TOM1L2: variants seen among roughly 807,000 people sequenced by gnomAD.
TOM1L2 encodes TOM1-like protein 2.
Under a neutral mutation model 67.9 loss-of-function variants are expected in TOM1L2, and 31 were observed. The observed-to-expected ratio is 0.46, with a 90% CI of 0.34 to 0.62. TOM1L2 has a LOEUF of 0.62. TOM1L2 is among the 20% of genes least tolerant of loss of function. The probability of loss-of-function intolerance (pLI) is 0.01; values close to 1 mark genes in which losing one functional copy is unlikely to be tolerated. For synonymous variants in TOM1L2, 256 were observed against 254.0 expected, an observed-to-expected ratio of 1.01 and a Z score of -0.07; for missense variants, 606 against 663.5, an observed-to-expected ratio of 0.91 and a Z score of 0.95.
At chr17:17,869,241 TC>T in intron 8 of TOM1L2, 98 bp downstream of exon 8, 1 of 1,562,482 alleles carries the variant, frequency 6.4e-7, no homozygotes, top group Non-Finnish European at 8.6e-7. Context: ...CTAATCTCTC[TC>T]CCTCTCCCTC....
At chr17:17,882,221 A>G (rs998034639) in intron 6 of TOM1L2, among the ~76,000 whole-genome samples, 2 of 152,154 alleles carry the variant, frequency 1.3e-5, no homozygotes, top group Non-Finnish European at 2.9e-5. Flanking sequence ...AAGCCTCTGC[A>G]TGATAGACAA....
chr17:17,857,728 T>G, intron 12 of TOM1L2: 4 of 1,505,440 alleles, frequency 2.7e-6, no homozygotes, highest in Non-Finnish European at 3.6e-6. Flanking sequence ...AGGTAGGGGC[T>G]GGGGTGGACA....
chr17:17,887,277 C>A (rs539210263), intron 4 of TOM1L2, among the ~76,000 whole-genome samples: 79 of 152,346 alleles, frequency 5.2e-4, no homozygotes, highest in African/African-American at 1.9e-3. Context: ...GAGATGGCTG[C>A]TAACAGAGCA....
chr17:17,863,913 C>G (rs1406408819), intron 10 of TOM1L2, among the ~76,000 whole-genome samples: 1 of 152,108 alleles, frequency 6.6e-6, no homozygotes, highest in Non-Finnish European at 1.5e-5. Flanking sequence ...GATGCCCAAG[C>G]TGGAGTGCAG....
rs75053299 is a variant in TOM1L2, at chr17:17,947,211, G to C, written c.52+25051C>G. ...GTGAGCTTTTCAGTTTTATACGGTGGGGGGGTCTCACTATATTGCCCATGC... is the reference window on the plus strand; with the variant it reads ...GTGAGCTTTTCAGTTTTATACGGTGCGGGGGTCTCACTATATTGCCCATGC... On this transcript the variant is annotated intron_variant, in intron 1 of 14. Coordinates refer to ENST00000379504, the MANE Select transcript of TOM1L2 (RefSeq NM_001082968.2). Among the ~76,000 whole-genome samples, 974 of 151,206 alleles carry C rather than the reference G, an allele frequency of 6.4e-3. 12 individuals are homozygous for C. Among genetic ancestry groups the C allele is most frequent in the East Asian group, 0.058 (297 of 5,102 alleles).
intron 6 of TOM1L2, among the ~76,000 whole-genome samples, chr17:17,880,777 G>A (rs927325771): frequency 3.3e-5 from 5 of 152,152 alleles, no homozygotes; most frequent in Admixed American, 1.3e-4. Flanking sequence ...CCCATGCGGC[G>A]CCTGGCATGC....
intron 2 of TOM1L2, among the ~76,000 whole-genome samples, chr17:17,904,140 G>C (rs1420547842): frequency 1.3e-5 from 2 of 152,172 alleles, no homozygotes; most frequent in African/African-American, 4.8e-5. Context: ...GCTAGGAAGA[G>C]ATTTTGAGAC....
At chr17:17,891,784 C>CGTGTGTGTGTGTGTGTGT (rs374192888) in intron 4 of TOM1L2, among the ~76,000 whole-genome samples, 106 of 143,218 alleles carry the variant, frequency 7.4e-4, no homozygotes, top group East Asian at 2.4e-3. Context: ...TGCATGCACA[C>CGTGTGTGTGTGTGTGTGT]GTGTGTGTGT....
intron 1 of TOM1L2, among the ~76,000 whole-genome samples, chr17:17,923,719 A>G (rs1338780575): frequency 3.9e-5 from 6 of 152,036 alleles, no homozygotes; most frequent in Non-Finnish European, 8.8e-5. Context: ...TGTAGATTTT[A>G]TGTTATACAC....
intron 1 of TOM1L2, among the ~76,000 whole-genome samples, chr17:17,933,291 T>C (rs2040404008): frequency 6.6e-6 from 1 of 152,176 alleles, no homozygotes; most frequent in Non-Finnish European, 1.5e-5. Context: ...ATCTTATTTA[T>C]GAAGAGGTGC....
At chr17:17,949,379 C>T (rs1431749966) in intron 1 of TOM1L2, among the ~76,000 whole-genome samples, 1 of 152,208 alleles carries the variant, frequency 6.6e-6, no homozygotes, top group Non-Finnish European at 1.5e-5. Context: ...TGACAAGAGC[C>T]TGTCTCAGCC....
chr17:17,847,912 A>G, intron 14 of TOM1L2, 129 bp from the exon 15 acceptor site: 1 of 1,264,074 alleles, frequency 7.9e-7, no homozygotes, highest in African/African-American at 1.5e-5. Flanking sequence ...GCAGGTGGGT[A>G]GGGAGGGGTT....
At chr17:17,852,962 G>A (rs1189182647) in intron 12 of TOM1L2, among the ~76,000 whole-genome samples, 1 of 151,916 alleles carries the variant, frequency 6.6e-6, no homozygotes, top group East Asian at 1.9e-4. Flanking sequence ...GAGGCATGTG[G>A]GTCCTCACTG....
intron 1 of TOM1L2, among the ~76,000 whole-genome samples, chr17:17,913,762 A>C (rs1446876971): frequency 6.6e-6 from 1 of 152,212 alleles, no homozygotes; most frequent in Non-Finnish European, 1.5e-5. Context: ...ACCCTTCCCC[A>C]GTATCATAAG....
At chr17:17,915,712 G>A (rs940486200) in intron 1 of TOM1L2, among the ~76,000 whole-genome samples, 2 of 152,010 alleles carry the variant, frequency 1.3e-5, no homozygotes, top group Non-Finnish European at 2.9e-5. Flanking sequence ...TGTAGAGATG[G>A]GGTCTTGCTA....
Position 17,883,844 on chromosome 17 carries a change from A to G in TOM1L2, c.501+790T>C, listed in dbSNP as rs2037853745. The stretch of plus-strand genomic sequence containing the variant: ...TACGAGAGATGTGCACAGGTGTGCT[A>G]TCCTTCTCAGAGATGGGCAGTGGGG... On this transcript the variant is annotated intron_variant, in intron 5 of 14. Transcript: ENST00000379504. 2.0e-5 allele frequency among the ~76,000 whole-genome samples: 3 copies of G among 152,182 alleles called. No homozygotes were observed. The South Asian group carries it at 6.2e-4, about 32-fold the overall frequency.
chr17:17,875,634 A>G (rs936722404), intron 7 of TOM1L2, among the ~76,000 whole-genome samples: 1 of 152,226 alleles, frequency 6.6e-6, no homozygotes, highest in African/African-American at 2.4e-5. Flanking sequence ...CCCTCCAACT[A>G]TTAGAACACC....
chr17:17,939,282 C>T (rs2040631994), intron 1 of TOM1L2, among the ~76,000 whole-genome samples: 1 of 152,222 alleles, frequency 6.6e-6, no homozygotes, highest in African/African-American at 2.4e-5. Context: ...TAACTTTCAT[C>T]TGATGGGAGG....
chr17:17,900,722 A>G (rs1265595775), intron 2 of TOM1L2, among the ~76,000 whole-genome samples: 4 of 152,208 alleles, frequency 2.6e-5, no homozygotes, highest in Admixed American at 2.6e-4. Context: ...CCCAAGGCCA[A>G]GTATGTCTGC....
Sources: gnomAD v4.1 joint callset for allele counts (sites outside exome capture counted in the v4.1 genomes callset) on GRCh38, gnomAD v4.1.1 for gene constraint, MANE v1.5 for transcripts, NCBI Gene and HGNC (gene_info 2026-07-23, HGNC 2026-07-21) for gene names.